EPG5: variants seen among roughly 807,000 people sequenced by gnomAD.
The protein encoded by EPG5 is ectopic P-granules 5 autophagy tethering factor.
EPG5 carries 159 observed loss-of-function variants against 302.7 expected under a neutral mutation model. The ratio of observed to expected loss-of-function variants is 0.53; its 90% CI spans 0.46 to 0.60. The LOEUF is 0.60. Ranked by LOEUF, EPG5 falls within the 20% of genes least tolerant of loss-of-function variation. The pLI, the probability that EPG5 is intolerant of heterozygous loss-of-function variation, is 0.00. For missense variants in EPG5, 2,896 were observed against 3,092.4 expected (o/e 0.94, Z 1.51); for synonymous variants, 1,158 against 1,136.8 (o/e 1.02, Z -0.37).
At chr18:45,801,400 C>T in the EPG5 span, among the ~76,000 whole-genome samples, 1 of 152,130 alleles carries the variant, frequency 6.6e-6, no homozygotes, top group Non-Finnish European at 1.5e-5. Context: ...AACTCCTGAG[C>T]TCAAGCAATC....
chr18:45,881,914 A>T (rs541400374), intron 31 of EPG5, among the ~76,000 whole-genome samples: 1 of 152,362 alleles, frequency 6.6e-6, no homozygotes, highest in South Asian at 2.1e-4. Flanking sequence ...ATCATAAGGC[A>T]CAACCTCCTT....
chr18:45,961,528 T>A (rs2051149455), intron 1 of EPG5, among the ~76,000 whole-genome samples: 1 of 152,134 alleles, frequency 6.6e-6, no homozygotes, highest in African/African-American at 2.4e-5. Flanking sequence ...GTGAACTCTC[T>A]CTTCCCTTTC....
At chr18:45,966,395 C>CATAT (rs2051262733) in intron 1 of EPG5, among the ~76,000 whole-genome samples, 1 of 142,812 alleles carries the variant, frequency 7.0e-6, no homozygotes, top group African/African-American at 2.9e-5. Flanking sequence ...AAAAAAAATA[C>CATAT]ATATACATAT....
chr18:45,874,115 C>T (rs879690602), intron 35 of EPG5, among the ~76,000 whole-genome samples: 4 of 152,168 alleles, frequency 2.6e-5, no homozygotes, highest in East Asian at 1.9e-4. Flanking sequence ...CAAAACCCAC[C>T]GAATGTGTTT....
the EPG5 span, among the ~76,000 whole-genome samples, chr18:45,813,003 T>A: frequency 1.8e-3 from 270 of 151,930 alleles, no homozygotes; most frequent in Non-Finnish European, 2.3e-3. Context: ...TGGGAGAAAA[T>A]TTTTGCAATC....
At chr18:45,905,210 C>T (rs1356358795) in intron 24 of EPG5, among the ~76,000 whole-genome samples, 1 of 152,102 alleles carries the variant, frequency 6.6e-6, no homozygotes, top group East Asian at 1.9e-4. Flanking sequence ...ACAACAACAA[C>T]AAAAAGTCAA....
intron 30 of EPG5, among the ~76,000 whole-genome samples, chr18:45,882,707 A>G (rs759906718): frequency 5.2e-4 from 79 of 152,224 alleles, no homozygotes; most frequent in Non-Finnish European, 5.6e-4. Flanking sequence ...ATAAAAGAAT[A>G]TAAGAAGTTC....
intron 22 of EPG5, among the ~76,000 whole-genome samples, chr18:45,911,540 C>T (rs2049902092): frequency 6.6e-6 from 1 of 152,168 alleles, no homozygotes; most frequent in Non-Finnish European, 1.5e-5. Context: ...GATCCACCCG[C>T]CTCGGCCTCC....
chr18:45,812,523 A>G, the EPG5 span, among the ~76,000 whole-genome samples: 1 of 152,202 alleles, frequency 6.6e-6, no homozygotes, highest in Non-Finnish European at 1.5e-5. Flanking sequence ...AAACTATACT[A>G]CAAGGCTACA....
the EPG5 span, among the ~76,000 whole-genome samples, chr18:45,810,712 C>T: frequency 1.3e-5 from 2 of 152,144 alleles, no homozygotes; most frequent in African/African-American, 4.8e-5. Flanking sequence ...ACCTGGGAGG[C>T]GGAGGTTGCA....
At chr18:45,868,220 G>A in intron 36 of EPG5, 1 of 454,090 alleles carries the variant, frequency 2.2e-6, no homozygotes. Flanking sequence ...TGCAGGTATG[G>A]GTTGGGAGCC....
chr18:45,867,371 T>C (rs1471857112), intron 37 of EPG5, among the ~76,000 whole-genome samples, 192 bp downstream of exon 37: 1 of 152,220 alleles, frequency 6.6e-6, no homozygotes, highest in Non-Finnish European at 1.5e-5. Context: ...AGTGTGGTTC[T>C]TTGCATAATT....
chr18:45,832,519 T>C, the EPG5 span, among the ~76,000 whole-genome samples: 2 of 152,150 alleles, frequency 1.3e-5, no homozygotes, highest in Non-Finnish European at 2.9e-5. Flanking sequence ...AAAAGTCTGA[T>C]GAAGAATGGC....
At chr18:45,926,914 A>C (rs1258536908) in intron 13 of EPG5, among the ~76,000 whole-genome samples, 1 of 152,084 alleles carries the variant, frequency 6.6e-6, no homozygotes, top group Non-Finnish European at 1.5e-5. Flanking sequence ...ATTTCTCTGG[A>C]ATTCATCCAC....
chr18:45,887,092 G>A (rs1414897040), intron 29 of EPG5, among the ~76,000 whole-genome samples: 2 of 152,142 alleles, frequency 1.3e-5, no homozygotes, highest in African/African-American at 4.8e-5. Context: ...GAGAGTACAT[G>A]GTTAACTAGT....
the EPG5 span, chr18:45,839,188 C>T: frequency 7.6e-7 from 1 of 1,322,734 alleles, no homozygotes; most frequent in African/African-American, 1.6e-5. Context: ...CTGGCACTGC[C>T]AGAATGTCGG....
downstream of EPG5, among the ~76,000 whole-genome samples, chr18:45,845,972 A>G (rs1568084449): frequency 6.6e-6 from 1 of 152,198 alleles, no homozygotes; most frequent in Non-Finnish European, 1.5e-5. Context: ...CTTGAGATGG[A>G]AATGAGTTGG....
At chr18:45,961,305 T>C (rs2051143306) in intron 1 of EPG5, among the ~76,000 whole-genome samples, 1 of 152,228 alleles carries the variant, frequency 6.6e-6, no homozygotes, top group South Asian at 2.1e-4. Flanking sequence ...GTTGATTCCA[T>C]ATGTCACTCA....
chr18:45,952,751 T>G, intron 2 of EPG5, 108 bp from the exon 3 acceptor site: 1 of 1,171,114 alleles, frequency 8.5e-7, no homozygotes, highest in East Asian at 2.3e-5. Flanking sequence ...TTCAAAGAGC[T>G]TATAATCATG....
Sources: allele counts gnomAD v4.1 joint callset (sites outside exome capture counted in the v4.1 genomes callset), GRCh38; gene constraint gnomAD v4.1.1; transcripts MANE v1.5; gene names NCBI Gene and HGNC (gene_info 2026-07-23, HGNC 2026-07-21).